Variants in ARMC2 observed in about 807,000 individuals in gnomAD.
The protein encoded by ARMC2 is armadillo repeat containing 2.
A neutral mutation model predicts 90.3 loss-of-function variants in ARMC2; 67 were observed. The observed-to-expected ratio is 0.74, with a 90% confidence interval of 0.61 to 0.91. ARMC2 has a LOEUF of 0.91. ARMC2 is among the 40% of genes least tolerant of loss of function. The pLI, the probability that ARMC2 is intolerant of heterozygous loss-of-function variation, is 0.00. For synonymous variants in ARMC2, 393 were observed against 393.0 expected, an observed-to-expected ratio of 1.00 and a Z score of 0.00; for missense variants, 920 against 1,030.9, an observed-to-expected ratio of 0.89 and a Z score of 1.47.
the ARMC2 span, chr6:109,009,508 C>G: frequency 1.5e-5 from 18 of 1,203,358 alleles, no homozygotes; most frequent in Non-Finnish European, 1.9e-5. Flanking sequence ...GAGCGCTGGG[C>G]AGCCGGCCGC....
chr6:108,875,368 C>G (rs1466525522), intron 4 of ARMC2, among the ~76,000 whole-genome samples: 1 of 152,126 alleles, frequency 6.6e-6, no homozygotes, highest in Non-Finnish European at 1.5e-5. Flanking sequence ...CTAATCACCT[C>G]TCCTCCTCTT....
intron 11 of ARMC2, 140 bp from the exon 12 acceptor site, chr6:108,936,760 T>C: frequency 2.9e-6 from 2 of 681,458 alleles, no homozygotes; most frequent in Non-Finnish European, 2.5e-6. Context: ...TTCTCTGAAC[T>C]GATGTGTAGA....
At chr6:108,991,234 T>C in the ARMC2 span, among the ~76,000 whole-genome samples, 3 of 142,366 alleles carry the variant, frequency 2.1e-5, no homozygotes, top group Non-Finnish European at 4.4e-5. Context: ...TATGAGTGTG[T>C]GTGTGTGTGT....
the ARMC2 span, chr6:108,994,675 G>A: frequency 1.7e-6 from 1 of 582,410 alleles, no homozygotes; most frequent in East Asian, 5.1e-5. Flanking sequence ...TATCTTTTAA[G>A]TCTGTCTCAT....
chr6:108,982,158 A>C, the ARMC2 span, among the ~76,000 whole-genome samples: 1 of 152,214 alleles, frequency 6.6e-6, no homozygotes, highest in African/African-American at 2.4e-5. Flanking sequence ...GTATATACTC[A>C]GAAGTGATGT....
At chr6:108,992,333 C>G in the ARMC2 span, among the ~76,000 whole-genome samples, 2 of 152,164 alleles carry the variant, frequency 1.3e-5, no homozygotes, top group South Asian at 4.2e-4. Flanking sequence ...CCAGGCTGGT[C>G]GTGGAATGCC....
At chr6:108,969,289 G>T (rs1369099978) in intron 17 of ARMC2, among the ~76,000 whole-genome samples, 1 of 152,246 alleles carries the variant, frequency 6.6e-6, no homozygotes, top group East Asian at 1.9e-4. Context: ...CCCTTAAACA[G>T]CCATCTGCTG....
the ARMC2 span, among the ~76,000 whole-genome samples, chr6:109,049,647 A>T: frequency 6.6e-6 from 1 of 151,690 alleles, no homozygotes; most frequent in East Asian, 1.9e-4. Flanking sequence ...ATTATGTACA[A>T]TTATTATGTG....
At chr6:108,917,302 C>T (rs1026764778) in intron 10 of ARMC2, among the ~76,000 whole-genome samples, 3 of 152,094 alleles carry the variant, frequency 2.0e-5, no homozygotes, top group Admixed American at 1.3e-4. Flanking sequence ...TAGCAGCTCC[C>T]GCAAATCCAG....
the ARMC2 span, among the ~76,000 whole-genome samples, chr6:109,033,306 G>A: frequency 6.6e-6 from 1 of 152,226 alleles, no homozygotes; most frequent in African/African-American, 2.4e-5. Flanking sequence ...ATGTAAGAAG[G>A]CAGACTGTTA....
At chr6:108,882,189 C>T (rs937738385) in intron 5 of ARMC2, among the ~76,000 whole-genome samples, 1 of 151,210 alleles carries the variant, frequency 6.6e-6, no homozygotes, top group Non-Finnish European at 1.5e-5. Flanking sequence ...GTAATCCCAA[C>T]ACTTTGGGAG....
At chr6:108,928,974 AT>A (rs539715839) in intron 11 of ARMC2, among the ~76,000 whole-genome samples, 54 of 151,590 alleles carry the variant, frequency 3.6e-4, no homozygotes, top group Admixed American at 9.2e-4. Context: ...TCCAAATCTG[AT>A]TTTTTTTTAA....
chr6:108,986,294 ACTC>A, the ARMC2 span: 3 of 152,220 alleles, frequency 2.0e-5, no homozygotes, highest in South Asian at 4.2e-4. Context: ...AAGAAAGTCC[ACTC>A]CTCTTTGTAT....
intron 12 of ARMC2, among the ~76,000 whole-genome samples, chr6:108,942,136 T>C (rs920414961): frequency 6.6e-6 from 1 of 152,202 alleles, no homozygotes; most frequent in African/African-American, 2.4e-5. Flanking sequence ...AACACAGACT[T>C]TGTCCTGATA....
intron 12 of ARMC2, among the ~76,000 whole-genome samples, chr6:108,943,919 T>A (rs191570819): frequency 6.6e-6 from 1 of 152,208 alleles, no homozygotes; most frequent in Non-Finnish European, 1.5e-5. Context: ...TTTTTTAAAT[T>A]AAAAATAGAA....
At chr6:109,025,204 T>C in the ARMC2 span, among the ~76,000 whole-genome samples, 2 of 152,102 alleles carry the variant, frequency 1.3e-5, no homozygotes, top group African/African-American at 4.8e-5. Context: ...TTGCCTGTTT[T>C]AAGGTTTATT....
chr6:108,943,237 T>G (rs931369082), intron 12 of ARMC2, among the ~76,000 whole-genome samples: 1 of 152,180 alleles, frequency 6.6e-6, no homozygotes, highest in African/African-American at 2.4e-5. Context: ...GATTTCAACA[T>G]ATGAGAAGTC....
downstream of ARMC2, among the ~76,000 whole-genome samples, chr6:108,979,417 C>G (rs1779043321): frequency 6.6e-6 from 1 of 152,108 alleles, no homozygotes; most frequent in Admixed American, 6.6e-5. Flanking sequence ...CTCTGGCTGC[C>G]CATAACATTT....
the ARMC2 span, among the ~76,000 whole-genome samples, chr6:109,019,638 A>T: frequency 6.6e-6 from 1 of 152,222 alleles, no homozygotes; most frequent in Non-Finnish European, 1.5e-5. Flanking sequence ...AATAGTCTTT[A>T]TCCTAAATCA....
Sources: allele counts gnomAD v4.1 joint callset (sites outside exome capture counted in the v4.1 genomes callset), GRCh38; gene constraint gnomAD v4.1.1; transcripts MANE v1.5; gene names NCBI Gene and HGNC (gene_info 2026-07-23, HGNC 2026-07-21).